Variants in SLC9C1 observed in about 807,000 individuals in gnomAD.
SLC9C1 encodes the protein sodium/hydrogen exchanger 10.
A neutral mutation model predicts 140.9 loss-of-function variants in SLC9C1; 97 were observed. The observed-to-expected ratio is 0.69, with a 90% CI of 0.58 to 0.82. The LOEUF is 0.82. Among genes scored for constraint, SLC9C1 ranks in the 40% least tolerant of loss-of-function variants. SLC9C1 has a pLI of 0.00. For synonymous variants in SLC9C1, 440 were observed against 442.6 expected (o/e 0.99, Z 0.07); for missense variants, 1,340 against 1,389.3 (o/e 0.96, Z 0.56).
chr3:112,265,113 C>T (rs1576477480), intron 8 of SLC9C1, among the ~76,000 whole-genome samples: 1 of 152,090 alleles, frequency 6.6e-6, no homozygotes, highest in African/African-American at 2.4e-5. Context: ...AAATTGGATT[C>T]TTTTAAGGAA....
intron 28 of SLC9C1, among the ~76,000 whole-genome samples, chr3:112,146,104 T>C (rs2074787197): frequency 6.6e-6 from 1 of 152,158 alleles, no homozygotes; most frequent in Non-Finnish European, 1.5e-5. Context: ...AGTTTGTGTA[T>C]GTAGAGGTGT....
At chr3:112,245,055 C>T (rs2079242069) in intron 10 of SLC9C1, among the ~76,000 whole-genome samples, 1 of 152,158 alleles carries the variant, frequency 6.6e-6, no homozygotes, top group Non-Finnish European at 1.5e-5. Flanking sequence ...TCTCACATCC[C>T]CAAAATTTCT....
chr3:112,265,939 C>T (rs1559732734), intron 8 of SLC9C1, among the ~76,000 whole-genome samples: 3 of 151,672 alleles, frequency 2.0e-5, no homozygotes, highest in Admixed American at 2.0e-4. Context: ...CTTTTGGCAC[C>T]CTCTTACTAG....
chr3:112,174,787 C>T (rs2077306348), intron 23 of SLC9C1, among the ~76,000 whole-genome samples: 1 of 152,194 alleles, frequency 6.6e-6, no homozygotes, highest in Non-Finnish European at 1.5e-5. Context: ...CTATGATTTC[C>T]TCCTTGAAGA....
Position 112,277,806 on chromosome 3 carries a change from GC to G in SLC9C1, c.372del (p.Trp124CysfsTer6). 2 of 1,611,590 alleles carry G rather than the reference GC, an allele frequency of 1.2e-6. No individual in the cohort carries two copies. The highest frequency in any genetic ancestry group is 8.5e-7 in the Non-Finnish European group (1 of 1,178,952). The part of the protein sequence containing the change: ...GFLVNYILVL[W>X]HLASVNQLLL... ...AGTAATTGATTTACAGATGCCAGAT[GC>G]CAAAGAACTAAGATATAATTAACCA... On this transcript the variant is annotated frameshift_variant, in exon 5 of 29. Coordinates refer to ENST00000305815, the MANE Select transcript of SLC9C1 (RefSeq NM_183061.3). LOFTEE classifies it high-confidence loss of function.
chr3:112,247,279 T>C, intron 10 of SLC9C1, among the ~76,000 whole-genome samples: 1 of 152,152 alleles, frequency 6.6e-6, no homozygotes, highest in Non-Finnish European at 1.5e-5. Context: ...ATAGGCAACA[T>C]CTATTTTATA....
In SLC9C1 at chr3:112,187,559, A is replaced by G. The variant is rs564268132; in HGVS notation, c.2524-5301T>C. Among the ~76,000 whole-genome samples the G allele has an allele frequency of 9.2e-5, 14 of 152,306 alleles. No homozygotes were observed. The East Asian group carries it at 2.7e-3, about 29-fold the overall frequency. On this transcript the variant is annotated intron_variant, in intron 20 of 28. Transcript: ENST00000305815. ...AGCGAGACTGTGTCTTCAGGATTCT[A>G]TTTTGGTTACTTTCAAAAAAAATTG...
At chr3:112,246,063 G>A (rs907376797) in intron 10 of SLC9C1, among the ~76,000 whole-genome samples, 2 of 152,072 alleles carry the variant, frequency 1.3e-5, no homozygotes, top group African/African-American at 2.4e-5. Context: ...TCAAAATACG[G>A]TCATGTTGAT....
chr3:112,278,613 C>G, intron 4 of SLC9C1, 116 bp downstream of exon 4: 1 of 1,120,484 alleles, frequency 8.9e-7, no homozygotes, highest in Non-Finnish European at 1.2e-6. Flanking sequence ...ATTTATTACT[C>G]CCATACCCTT....
rs550289338 is a variant in SLC9C1 at position 112,270,738 on chromosome 3, T to A, written c.614-661A>T. Among the ~76,000 whole-genome samples, 4 of 152,128 alleles carry A rather than the reference T, an allele frequency of 2.6e-5. No individual in the cohort carries two copies. In the South Asian group the frequency reaches 8.3e-4, roughly 32 times the overall value. ...GGCTGAGGCATGAGAATAGCTTGAA[T>A]CTGGGAGGCAGAGGTTGTAGTGAGC... On this transcript the variant is annotated intron_variant, in intron 6 of 28. Transcript: ENST00000305815.
intron 14 of SLC9C1, among the ~76,000 whole-genome samples, chr3:112,218,444 T>C (rs1259481833): frequency 2.4e-4 from 1 of 4,236 alleles, no homozygotes; most frequent in Non-Finnish European, 0.014. Flanking sequence ...CTTGTATATA[T>C]ATTTTTTTTT....
At chr3:112,175,088 A>G (rs1252555936) in intron 23 of SLC9C1, among the ~76,000 whole-genome samples, 1 of 152,144 alleles carries the variant, frequency 6.6e-6, no homozygotes, top group Non-Finnish European at 1.5e-5. Flanking sequence ...CAGAACTGCT[A>G]CTGGCTCAAT....
chr3:112,231,160 TTC>T (rs369875412), intron 13 of SLC9C1, among the ~76,000 whole-genome samples, 199 bp downstream of exon 13: 34 of 10,400 alleles, frequency 3.3e-3, no homozygotes, highest in South Asian at 0.015. Flanking sequence ...CTTTCTTTCT[TTC>T]TCTTTCTTTC....
chr3:112,154,313 G>A (rs1424393049), intron 27 of SLC9C1, among the ~76,000 whole-genome samples: 2 of 152,078 alleles, frequency 1.3e-5, no homozygotes, highest in Admixed American at 6.6e-5. Context: ...GAGTCCATAC[G>A]ATTCAGACAC....
intron 28 of SLC9C1, among the ~76,000 whole-genome samples, chr3:112,147,687 A>G (rs2074842408): frequency 6.6e-6 from 1 of 151,964 alleles, no homozygotes; most frequent in Non-Finnish European, 1.5e-5. Context: ...TATGTTATCT[A>G]CCCTATTTCG....
At chr3:112,242,766 C>T (rs1418784038) in intron 11 of SLC9C1, among the ~76,000 whole-genome samples, 1 of 151,974 alleles carries the variant, frequency 6.6e-6, no homozygotes, top group Non-Finnish European at 1.5e-5. Flanking sequence ...ATTCTATACC[C>T]GTATCAAAAT....
chr3:112,180,794 G>C, intron 21 of SLC9C1, 132 bp from the exon 22 acceptor site: 1 of 696,494 alleles, frequency 1.4e-6, no homozygotes, highest in Middle Eastern at 4.2e-4. Context: ...GGAGTGCAGT[G>C]GTGCAATCTT....
At chr3:112,206,160 A>AAAAAC (rs1553790494) in intron 16 of SLC9C1, among the ~76,000 whole-genome samples, 3 of 101,206 alleles carry the variant, frequency 3.0e-5, no homozygotes, top group African/African-American at 1.1e-4. Flanking sequence ...TTACAAGAAA[A>AAAAAC]AAACAACCCC....
rs1208881687 is a variant in SLC9C1, at chr3:112,278,720, A to G, written c.318+9T>C. ...TGAATGAATGATATTACCAAAAAAG[A>G]ATGCTTACCTGCCAAAATAACTTTT... is the stretch of plus-strand genomic sequence containing the variant. On this transcript the variant is annotated intron_variant, in intron 4 of 28. Transcript: ENST00000305815. 1 of 1,586,402 alleles carries G rather than the reference A, an allele frequency of 6.3e-7. No individual in the cohort carries two copies. The highest frequency in any genetic ancestry group is 1.9e-5 in the Admixed American group (1 of 51,484).
Sources: gnomAD v4.1 joint callset for allele counts (sites outside exome capture counted in the v4.1 genomes callset) on GRCh38, gnomAD v4.1.1 for gene constraint, MANE v1.5 for transcripts, NCBI Gene and HGNC (gene_info 2026-07-23, HGNC 2026-07-21) for gene names.